Variants in PCLO observed in about 807,000 individuals in gnomAD.
PCLO encodes the protein protein piccolo.
A neutral mutation model predicts 427.5 loss-of-function variants in PCLO; 82 were observed. The observed-to-expected ratio is 0.19, with a 90% confidence interval of 0.16 to 0.23. The LOEUF (loss-of-function observed/expected upper bound fraction) is 0.23, where lower values mean the gene tolerates loss of function less well. Among genes scored for constraint, PCLO ranks in the 10% least tolerant of loss-of-function variants. The pLI is 1.00. For missense variants in PCLO, 6,239 were observed against 6,115.9 expected (o/e 1.02, Z -0.67); for synonymous variants, 2,357 against 2,155.4 (o/e 1.09, Z -2.59).
intron 7 of PCLO, among the ~76,000 whole-genome samples, chr7:82,911,192 C>T (rs1276866933): frequency 6.6e-6 from 1 of 151,908 alleles, no homozygotes; most frequent in South Asian, 2.1e-4. Context: ...TTTATAATAA[C>T]CCTATGTGTA....
intron 22 of PCLO, among the ~76,000 whole-genome samples, chr7:82,790,636 C>T (rs376757932): frequency 6.6e-6 from 1 of 152,164 alleles, no homozygotes; most frequent in African/African-American, 2.4e-5. Context: ...TGTTCATGAA[C>T]ATGTTTGTCT....
chr7:82,910,263 CA>C (rs1794290870), intron 7 of PCLO, among the ~76,000 whole-genome samples: 1 of 152,018 alleles, frequency 6.6e-6, no homozygotes, highest in Admixed American at 6.6e-5. Context: ...TCATCTCTTC[CA>C]AAACCTCCTC....
intron 3 of PCLO, among the ~76,000 whole-genome samples, chr7:83,057,328 AT>A: frequency 7.4e-5 from 1 of 13,494 alleles, no homozygotes; most frequent in South Asian, 2.2e-3. Flanking sequence ...ATATATATAT[AT>A]ATATATATAT....
chr7:82,966,769 G>A (rs2115667766), intron 3 of PCLO, among the ~76,000 whole-genome samples: 1 of 152,118 alleles, frequency 6.6e-6, no homozygotes, highest in East Asian at 1.9e-4. Context: ...TGGACCCAGA[G>A]AAATATTCAT....
At chr7:82,818,301 T>C (rs1791718409) in intron 20 of PCLO, among the ~76,000 whole-genome samples, 1 of 152,214 alleles carries the variant, frequency 6.6e-6, no homozygotes, top group African/African-American at 2.4e-5. Context: ...AGAAATCTGC[T>C]GAGAAGCTTA....
intron 10 of PCLO, among the ~76,000 whole-genome samples, chr7:82,878,471 A>G (rs1443016377): frequency 6.6e-6 from 1 of 152,190 alleles, no homozygotes; most frequent in African/African-American, 2.4e-5. Flanking sequence ...ACTTTGTGAC[A>G]ATGTTCATTA....
chr7:82,925,618 T>C lies in PCLO; in HGVS notation c.11113-8745A>G, dbSNP rs1380958096. Among the ~76,000 whole-genome samples the C allele has an allele frequency of 2.6e-5, 4 of 152,168 alleles. No homozygotes were observed. In the East Asian group the frequency reaches 7.7e-4, roughly 29 times the overall value. Reference sequence around the variant, plus strand: ...ATGTGTTGCCAAAATAGACCCATTATTAAGCACCATCCCTCTATCCTCTGC... The same window carrying C: ...ATGTGTTGCCAAAATAGACCCATTACTAAGCACCATCCCTCTATCCTCTGC... On this transcript the variant is annotated intron_variant, in intron 6 of 24. Coordinates refer to ENST00000333891, the MANE Select transcript of PCLO (RefSeq NM_033026.6).
At chr7:82,878,289 T>G (rs1390771793) in intron 10 of PCLO, among the ~76,000 whole-genome samples, 2 of 152,148 alleles carry the variant, frequency 1.3e-5, no homozygotes, top group Non-Finnish European at 2.9e-5. Flanking sequence ...TCCAGGGACA[T>G]TTTCTGGTAG....
intron 22 of PCLO, among the ~76,000 whole-genome samples, chr7:82,792,051 T>C (rs908343100): frequency 6.6e-6 from 1 of 152,022 alleles, no homozygotes; most frequent in Non-Finnish European, 1.5e-5. Context: ...GTATTTTACA[T>C]CATCAAAGTC....
intron 2 of PCLO, among the ~76,000 whole-genome samples, chr7:83,139,074 G>A (rs1214246056): frequency 6.6e-6 from 1 of 151,978 alleles, no homozygotes; most frequent in Non-Finnish European, 1.5e-5. Flanking sequence ...AATATAGATG[G>A]CGGAATTAAA....
intron 2 of PCLO, among the ~76,000 whole-genome samples, chr7:83,146,597 C>CT (rs11354844): frequency 1.1e-3 from 149 of 135,182 alleles, no homozygotes; most frequent in African/African-American, 3.0e-3. Context: ...CCAATAAATA[C>CT]TTTTTTTTTT....
At chr7:82,911,922 G>A (rs1418987905) in intron 7 of PCLO, among the ~76,000 whole-genome samples, 1 of 152,034 alleles carries the variant, frequency 6.6e-6, no homozygotes, top group Non-Finnish European at 1.5e-5. Flanking sequence ...CGTCTGGCCT[G>A]TTTCTAGCGT....
intron 1 of PCLO, among the ~76,000 whole-genome samples, chr7:83,157,277 G>C (rs1792325385): frequency 6.6e-6 from 1 of 152,092 alleles, no homozygotes; most frequent in Non-Finnish European, 1.5e-5. Flanking sequence ...TTGAAGATCA[G>C]TGTTATCTTT....
intron 10 of PCLO, among the ~76,000 whole-genome samples, chr7:82,874,729 T>G (rs1310698914): frequency 6.6e-6 from 1 of 152,134 alleles, no homozygotes; most frequent in Non-Finnish European, 1.5e-5. Context: ...AGGTATATAA[T>G]AATTAATCTA....
chr7:82,897,942 T>A (rs945775626), intron 9 of PCLO, among the ~76,000 whole-genome samples: 3 of 151,552 alleles, frequency 2.0e-5, no homozygotes, highest in East Asian at 3.9e-4. Context: ...ACTATGTATA[T>A]TTTCCATGTT....
intron 3 of PCLO, among the ~76,000 whole-genome samples, chr7:83,008,322 C>A (rs1255764966): frequency 1.3e-5 from 2 of 151,444 alleles, no homozygotes; most frequent in Non-Finnish European, 3.0e-5. Context: ...TGTTAAAAAC[C>A]GGTTAATATA....
At chr7:82,873,114 G>T (rs1793277480) in intron 10 of PCLO, among the ~76,000 whole-genome samples, 1 of 150,744 alleles carries the variant, frequency 6.6e-6, no homozygotes, top group African/African-American at 2.4e-5. Flanking sequence ...GAAGAAACAT[G>T]GTAAAATTGT....
intron 22 of PCLO, among the ~76,000 whole-genome samples, chr7:82,770,256 T>A (rs972666379): frequency 1.2e-4 from 18 of 152,184 alleles, no homozygotes; most frequent in Middle Eastern, 3.4e-3. Flanking sequence ...ATTCTTTTTT[T>A]AAAAATTAGA....
Position 82,918,969 on chromosome 7 carries a change from AGAT to A in PCLO, c.11113-2099_11113-2097del, listed in dbSNP as rs374902492. ...TAATGGTTGAAAATTCAAGTCTCTA[AGAT>A]GCCCAGCTTAGAAGCTATATTTGAA... On this transcript the variant is annotated intron_variant, in intron 6 of 24. Coordinates refer to ENST00000333891, the MANE Select transcript of PCLO (RefSeq NM_033026.6). Among the ~76,000 whole-genome samples, 786 of 152,196 alleles carry A rather than the reference AGAT, an allele frequency of 5.2e-3. 7 individuals are homozygous for A. Among genetic ancestry groups the A allele is most frequent in the African/African-American group, 0.018 (749 of 41,588 alleles).
Sources: gnomAD v4.1 joint callset for allele counts (sites outside exome capture counted in the v4.1 genomes callset) on GRCh38, gnomAD v4.1.1 for gene constraint, MANE v1.5 for transcripts, NCBI Gene and HGNC (gene_info 2026-07-23, HGNC 2026-07-21) for gene names.